PARP16: variants seen among roughly 807,000 people sequenced by gnomAD.
PARP16 encodes the protein poly(ADP-ribose) polymerase family member 16.
In PARP16, 31 loss-of-function variants were observed where a neutral mutation model predicts 35.0. That is an observed-to-expected ratio of 0.88 (90% CI 0.66 to 1.19). The LOEUF (loss-of-function observed/expected upper bound fraction) is 1.19, where lower values mean the gene tolerates loss of function less well. Among genes scored for constraint, PARP16 ranks in the 50% most tolerant of loss-of-function variants. The pLI, the probability that PARP16 is intolerant of heterozygous loss-of-function variation, is 0.00. For missense variants in PARP16, 424 were observed against 411.2 expected (o/e 1.03, Z -0.27); for synonymous variants, 162 against 169.5 (o/e 0.96, Z 0.34).
intron 1 of PARP16, among the ~76,000 whole-genome samples, chr15:65,275,890 C>A (rs921113970): frequency 7.9e-5 from 12 of 152,182 alleles, no homozygotes; most frequent in African/African-American, 2.9e-4. Flanking sequence ...CTACTATTCC[C>A]ATCACTCGTG....
chr15:65,250,067 C>T (rs1032848555), intron 2 of PARP16, among the ~76,000 whole-genome samples: 1 of 148,638 alleles, frequency 6.7e-6, no homozygotes, highest in Admixed American at 6.7e-5. Flanking sequence ...GTCTTCTTTG[C>T]TCAGACAGCC....
intron 2 of PARP16, among the ~76,000 whole-genome samples, chr15:65,269,081 T>C (rs1314780815): frequency 6.6e-6 from 1 of 152,082 alleles, no homozygotes; most frequent in African/African-American, 2.4e-5. Flanking sequence ...ACTGTAGACC[T>C]GTGAATTTCC....
chr15:65,241,040 T>A (rs189335857), intron 3 of PARP16, among the ~76,000 whole-genome samples: 3 of 152,192 alleles, frequency 2.0e-5, no homozygotes, highest in African/African-American at 7.2e-5. Flanking sequence ...TTTGCCATGT[T>A]GGCCAGGCTG....
chr15:65,235,367 G>A (rs1242305351), intron 3 of PARP16, among the ~76,000 whole-genome samples: 1 of 151,660 alleles, frequency 6.6e-6, no homozygotes, highest in Non-Finnish European at 1.5e-5. Flanking sequence ...TGAGTCAGGA[G>A]GAAGCCACAT....
At chr15:65,260,592 C>T (rs112849131) in intron 5 of PARP16, among the ~76,000 whole-genome samples, 52 of 152,314 alleles carry the variant, frequency 3.4e-4, no homozygotes, top group Middle Eastern at 6.8e-3. Flanking sequence ...CAATCATGGG[C>T]CTAATGGCTA....
intron 1 of PARP16, among the ~76,000 whole-genome samples, chr15:65,276,042 A>G (rs1403976982): frequency 6.6e-6 from 1 of 152,172 alleles, no homozygotes; most frequent in Non-Finnish European, 1.5e-5. Flanking sequence ...TCCTAGCTCC[A>G]AGCTGGACCC....
At chr15:65,273,579 T>C (rs2090157198) in intron 1 of PARP16, among the ~76,000 whole-genome samples, 2 of 151,774 alleles carry the variant, frequency 1.3e-5, no homozygotes, top group Admixed American at 1.3e-4. Context: ...CCTCATATAT[T>C]GTAATAAAAC....
chr15:65,275,810 T>C (rs759005250), intron 1 of PARP16, among the ~76,000 whole-genome samples: 2 of 152,092 alleles, frequency 1.3e-5, no homozygotes, highest in African/African-American at 4.8e-5. Flanking sequence ...AGGGCACTCA[T>C]CCCCCTTCCT....
intron 1 of PARP16, among the ~76,000 whole-genome samples, chr15:65,279,146 G>C (rs973079273): frequency 6.6e-6 from 1 of 152,178 alleles, no homozygotes; most frequent in Non-Finnish European, 1.5e-5. Flanking sequence ...CCTAGTGCCT[G>C]GGAGCAAGAG....
At chr15:65,265,725 C>T (rs1350171469) in intron 3 of PARP16, among the ~76,000 whole-genome samples, 4 of 152,122 alleles carry the variant, frequency 2.6e-5, no homozygotes, top group African/African-American at 7.2e-5. Context: ...AGGTGGTCTG[C>T]GCCTGAGATT....
At chr15:65,244,662 T>C (rs2089162144) in intron 3 of PARP16, among the ~76,000 whole-genome samples, 1 of 152,256 alleles carries the variant, frequency 6.6e-6, no homozygotes, top group South Asian at 2.1e-4. Flanking sequence ...TTACTTTCAG[T>C]GCCTTAAGAG....
At chr15:65,273,428 A>G (rs2090153215) in intron 1 of PARP16, among the ~76,000 whole-genome samples, 1 of 152,088 alleles carries the variant, frequency 6.6e-6, no homozygotes, top group African/African-American at 2.4e-5. Flanking sequence ...CTAGCTACTC[A>G]GGAGGCTGGG....
At chr15:65,261,552 T>C (rs1359459350) in intron 4 of PARP16, among the ~76,000 whole-genome samples, 1 of 150,644 alleles carries the variant, frequency 6.6e-6, no homozygotes, top group East Asian at 2.0e-4. Context: ...GCCTCCCGGG[T>C]TCAAGCAACT....
intron 5 of PARP16, 68 bp downstream of exon 5, chr15:65,260,817 T>C: frequency 2.0e-6 from 3 of 1,474,064 alleles, no homozygotes; most frequent in Non-Finnish European, 2.8e-6. Flanking sequence ...GAGGGGAGGC[T>C]GATACCTACA....
In PARP16 at chr15:65,259,496, T is replaced by C; in HGVS notation, c.880A>G (p.Met294Val). The change falls in exon 6 of 6, where the codon ATG (methionine) becomes GTG (valine). Residue 294 changes from methionine (M) to valine (V), a missense_variant. Transcript: ENST00000649807. ...AGCAGCAGCAGATACAGGGATATCA[T>C]GACGGTAAACCAATGGCTGGAAAAC... The part of the protein sequence containing the change: ...SWFSSHWFTV[M>V]ISLYLLLLLI... 1.2e-6 allele frequency: 2 copies of C among 1,613,910 alleles called. No homozygotes were observed. The highest frequency in any genetic ancestry group is 1.7e-6 in the Non-Finnish European group (2 of 1,179,754).
chr15:65,263,020 C>T lies in PARP16; in HGVS notation c.691+129G>A, dbSNP rs1389028557. On this transcript the variant is annotated intron_variant, in intron 4 of 5. Transcript: ENST00000649807. Reference sequence around the variant, plus strand: ...GCTCGCTCCTTGGGCAGGACCCTGTCCGGCACTGCCCTGGATCCAGCCCAA... The same window carrying T: ...GCTCGCTCCTTGGGCAGGACCCTGTTCGGCACTGCCCTGGATCCAGCCCAA... 3.4e-5 allele frequency: 27 copies of T among 791,322 alleles called. No homozygotes were observed. The East Asian group carries it at 5.6e-4, about 16-fold the overall frequency. 49.0% of individuals were successfully genotyped at this position (791,322 alleles called of 1,614,324 possible).
intron 2 of PARP16, among the ~76,000 whole-genome samples, chr15:65,267,618 A>T (rs750711665): frequency 5.0e-4 from 58 of 116,262 alleles, no homozygotes; most frequent in Non-Finnish European, 6.6e-4. Flanking sequence ...AAAAATAAAT[A>T]AATTAATTAA....
intron 1 of PARP16, among the ~76,000 whole-genome samples, chr15:65,281,787 G>T (rs1440091395): frequency 6.6e-6 from 1 of 152,074 alleles, no homozygotes; most frequent in Non-Finnish European, 1.5e-5. Flanking sequence ...ACAGTGGTAA[G>T]ATAAGGCTAG....
At chr15:65,232,671 G>A (rs930112785), downstream of PARP16, among the ~76,000 whole-genome samples, 1 of 152,096 alleles carries the variant, frequency 6.6e-6, no homozygotes, top group Non-Finnish European at 1.5e-5. Context: ...GGGAGGCAGA[G>A]GCAGAAGGTT....
Sources: allele counts gnomAD v4.1 joint callset (sites outside exome capture counted in the v4.1 genomes callset), GRCh38; gene constraint gnomAD v4.1.1; transcripts MANE v1.5; gene names NCBI Gene and HGNC (gene_info 2026-07-23, HGNC 2026-07-21).